The following NOTCH1 variants were observed in gnomAD, a reference collection of about 807,000 sequenced individuals.
NOTCH1 encodes the protein neurogenic locus notch homolog protein 1.
Under a neutral mutation model 254.8 loss-of-function variants are expected in NOTCH1, and 37 were observed. The observed-to-expected ratio is 0.15, with a 90% CI of 0.11 to 0.19. The LOEUF (loss-of-function observed/expected upper bound fraction) is 0.19. NOTCH1 is among the 10% of genes least tolerant of loss of function. NOTCH1 has a pLI of 1.00. For missense variants in NOTCH1, 2,972 were observed against 3,708.6 expected (o/e 0.80, Z 5.16); for synonymous variants, 1,731 against 1,618.1 (o/e 1.07, Z -1.68).
intron 30 of NOTCH1, among the ~76,000 whole-genome samples, chr9:136,501,057 G>A (rs975250635): frequency 9.8e-5 from 15 of 152,288 alleles, no homozygotes; most frequent in Admixed American, 7.8e-4. Flanking sequence ...AACTCCTGGC[G>A]GGCAACTGCT....
rs1030052865 is a variant in NOTCH1, at chr9:136,509,053, G to A, written c.2988C>T (p.Gly996=). 3 of 1,558,848 alleles carry A rather than the reference G, an allele frequency of 1.9e-6. No individual in the cohort carries two copies. Among genetic ancestry groups the A allele is most frequent in the Non-Finnish European group, 2.6e-6 (3 of 1,152,298 alleles). The change falls in exon 19 of 34, where the codon GGC becomes GGT. Residue 996 remains glycine, a synonymous_variant. Transcript: ENST00000651671. ...ACGAGTTGATGCCGTCCACGCAGGT[G>A]CCACCGTTGAAGCAGGAGCTGCAAG... ...DCTESSCFNG[G]TCVDGINSFT... is the part of the protein sequence containing the mutation.
At chr9:136,528,849 C>T (rs1843515522) in intron 2 of NOTCH1, among the ~76,000 whole-genome samples, 1 of 152,114 alleles carries the variant, frequency 6.6e-6, no homozygotes, top group African/African-American at 2.4e-5. Flanking sequence ...GGTCTTCTCC[C>T]CAGACACCCC....
At chr9:136,507,138 G>A (rs755105249) in intron 22 of NOTCH1, among the ~76,000 whole-genome samples, 165 bp from the exon 23 acceptor site, 10 of 152,236 alleles carry the variant, frequency 6.6e-5, no homozygotes, top group African/African-American at 1.4e-4. Flanking sequence ...TGGGACCCCC[G>A]CTCTGGGCCC....
intron 2 of NOTCH1, among the ~76,000 whole-genome samples, chr9:136,532,614 C>T (rs11145770): frequency 0.5 from 75,585 of 152,102 alleles, 20,354 homozygotes; most frequent in East Asian, 0.83. Flanking sequence ...GCCATGACTC[C>T]GTAGCCAACT....
In NOTCH1 at chr9:136,540,868, C is replaced by G. The variant is rs763235806; in HGVS notation, c.140+3156G>C. ...CAGCCAACATCTTAGCTGCCCCCTG[C>G]CTCAACGCCCAGCCCAGACGCAGGC... On this transcript the variant is annotated intron_variant, in intron 2 of 33. Transcript: ENST00000651671. The surrounding 1 kb of genome is among the most constrained non-coding windows in gnomAD (Gnocchi z 4.4). Among the ~76,000 whole-genome samples the G allele has an allele frequency of 6.6e-6, 1 of 152,140 alleles. No individual in the cohort carries two copies. The highest frequency in any genetic ancestry group is 1.9e-4 in the East Asian group (1 of 5,194).
In NOTCH1 at chr9:136,497,129, C is replaced by T; in HGVS notation, c.6610G>A (p.Glu2204Lys). ...TCTGACAGGTAGCCATGGGGTGACT[C>T]CAGGGAGTCCACGGGCGAGAGCATG... ...SGMLSPVDSLESPHGYLSDVA... is the reference protein window; with the variant it reads ...SGMLSPVDSLKSPHGYLSDVA... The change falls in exon 34 of 34, where the codon GAG (glutamate) becomes AAG (lysine). Residue 2204 changes from glutamate (E) to lysine (K), a missense_variant. Glu to Lys is a moderately conservative substitution (Grantham distance 56). Coordinates refer to ENST00000651671, the MANE Select transcript of NOTCH1 (RefSeq NM_017617.5). 6.2e-7 allele frequency: 1 copy of T among 1,612,552 alleles called. No homozygotes were observed. The highest frequency in any genetic ancestry group is 8.5e-7 in the Non-Finnish European group (1 of 1,179,882).
chr9:136,514,864 T>A (rs1049348797), intron 12 of NOTCH1, among the ~76,000 whole-genome samples, 162 bp from the exon 13 acceptor site: 2 of 152,092 alleles, frequency 1.3e-5, no homozygotes, highest in East Asian at 3.9e-4. Flanking sequence ...TGTGCCAGCC[T>A]CCCCGGGCAC....
In NOTCH1 at chr9:136,509,799, G is replaced by A. The variant is rs781201059; in HGVS notation, c.2903C>T (p.Thr968Met). 33 of 1,613,026 alleles carry A rather than the reference G, an allele frequency of 2.0e-5. No individual in the cohort carries two copies. Among genetic ancestry groups the A allele is most frequent in the Non-Finnish European group, 2.5e-5 (29 of 1,180,028 alleles). ...GCTGAAGCCTGCGGGGCAGGTGCAC[G>A]TGTAGCTGTCCACGCAGTCCGTGCA... Reference protein sequence around the residue: ...ANCTDCVDSYTCTCPAGFSGI... With the variant: ...ANCTDCVDSYMCTCPAGFSGI... The change falls in exon 18 of 34, where the codon ACG (threonine) becomes ATG (methionine). Residue 968 changes from threonine (T) to methionine (M), a missense_variant. Thr to Met is a moderately conservative substitution (Grantham distance 81). Around this residue, in one of 8 missense-constraint regions of NOTCH1, gnomAD observed 1,343 missense variants for 1,557.0 expected, o/e 0.86. Transcript: ENST00000651671.
At position 136,495,926 on chromosome 9, in the gene NOTCH1, T is replaced by TA; in HGVS notation, c.*144dup. The TA allele has an allele frequency of 2.1e-5, 18 of 867,008 alleles. No individual in the cohort carries two copies. The highest frequency in any genetic ancestry group is 2.9e-5 in the Non-Finnish European group (17 of 586,734). The allele number at this position is 867,008 out of a possible 1,614,324, so 53.7% of individuals were successfully genotyped here. On this transcript the variant is annotated 3_prime_UTR_variant, in exon 34 of 34. Coordinates refer to ENST00000651671, the MANE Select transcript of NOTCH1 (RefSeq NM_017617.5). ...AAAATAAAAGTACATAAATAAATAC[T>TA]AAAAAAAATTAAAATCCTCGTTCTT...
chr9:136,496,922 G>A lies in NOTCH1; in HGVS notation c.6817C>T (p.Leu2273Phe). The A allele has an allele frequency of 6.2e-7, 1 of 1,612,394 alleles. No homozygotes were observed. The highest frequency in any genetic ancestry group is 8.5e-7 in the Non-Finnish European group (1 of 1,179,844). ...CCAGAGGCCACAGGCAGGTGGGAGA[G>A]ACGAGGTGGGCCAGTCTCAAAGGCC... ...RLAFETGPPR[L>F]SHLPVASGTS... Residue 2273 changes from leucine (L) to phenylalanine (F), a missense_variant, in exon 34 of 34, where the codon CTC (leucine) becomes TTC (phenylalanine). Transcript: ENST00000651671.
Position 136,502,461 on chromosome 9 carries a change from G to A in NOTCH1, c.5195C>T (p.Ala1732Val), listed in dbSNP as rs768040014. ...CGCCACGTACATGAAGTGCAGCTGCGCCGGCGGGGGCGGCTCCACGGTCTC... is the reference window on the plus strand; with the variant it reads ...CGCCACGTACATGAAGTGCAGCTGCACCGGCGGGGGCGGCTCCACGGTCTC... ...QSETVEPPPP[A>V]QLHFMYVAAA... Residue 1732 changes from alanine to valine, a missense_variant, in exon 28 of 34, where the codon GCG (alanine) becomes GTG (valine). By Grantham distance (64) the Ala-to-Val change is moderately conservative (BLOSUM62 0). Around this residue, in one of 8 missense-constraint regions of NOTCH1, gnomAD observed 421 missense variants for 604.4 expected, o/e 0.70. Transcript: ENST00000651671. 2.3e-5 allele frequency: 36 copies of A among 1,587,140 alleles called. No homozygotes were observed. The South Asian group carries it at 3.6e-4, about 16-fold the overall frequency.
At chr9:136,538,868 C>T (rs947882066) in intron 2 of NOTCH1, among the ~76,000 whole-genome samples, 9 of 152,226 alleles carry the variant, frequency 5.9e-5, no homozygotes, top group Admixed American at 4.6e-4. Flanking sequence ...AAGCTAGACG[C>T]CCAATCGATT....
chr9:136,531,439 C>T (rs1441961437), intron 2 of NOTCH1, among the ~76,000 whole-genome samples: 1 of 152,188 alleles, frequency 6.6e-6, no homozygotes, highest in Non-Finnish European at 1.5e-5. Context: ...AGGCGCGTGT[C>T]CCCCGCACCC....
At chr9:136,502,561 G>A (rs1843015959) in intron 27 of NOTCH1, 73 bp from the exon 28 acceptor site, 1 of 1,001,536 alleles carries the variant, frequency 1.0e-6, no homozygotes, top group Non-Finnish European at 1.4e-6. Context: ...GTGGCCGGGG[G>A]GCGGCGGACT....
Position 136,510,735 on chromosome 9 carries a change from G to A in NOTCH1, c.2658C>T (p.Asn886=), listed in dbSNP as rs1237694934. 1 of 1,610,812 alleles carries A rather than the reference G, an allele frequency of 6.2e-7. No homozygotes were observed. Among genetic ancestry groups the A allele is most frequent in the South Asian group, 1.1e-5 (1 of 91,078 alleles). ...SPCRHGASCQ[N]THGGYRCHCQ... is the part of the protein sequence containing the mutation. ...AGTGGCAGCGGTAGCCGCCGTGGGT[G>A]TTCTGGCAGGATGCGCCGTGCCGGC... Residue 886 remains asparagine, a synonymous_variant, in exon 17 of 34, where the codon AAC becomes AAT. Transcript: ENST00000651671.
Position 136,542,502 on chromosome 9 carries a change from G to A in NOTCH1, c.140+1522C>T, listed in dbSNP as rs11145773. ...GGAAACAAGATTTAGGGCATCAAGC[G>A]TCCGTGCGGCTTCTGCAGAGGGAGA... On this transcript the variant is annotated intron_variant, in intron 2 of 33. Transcript: ENST00000651671. 6.1e-4 allele frequency among the ~76,000 whole-genome samples: 90 copies of A among 147,014 alleles called. 1 individual carries two copies. In the East Asian group the frequency reaches 0.016, roughly 26 times the overall value.
In NOTCH1 at chr9:136,508,233, T is replaced by C. The variant is rs1177234316; in HGVS notation, c.3324A>G (p.Gln1108=). 15 of 1,611,368 alleles carry C rather than the reference T, an allele frequency of 9.3e-6. No individual in the cohort carries two copies. The highest frequency in any genetic ancestry group is 1.3e-5 in the Non-Finnish European group (15 of 1,179,294). ...SVSCEVAAQR[Q]GVDVARLCQH... ...AGCTGGGTGGGCACAGCAGGTTACCTTGTCGCTGCGCAGCCACCTCACAGG... is the reference window on the plus strand; with the variant it reads ...AGCTGGGTGGGCACAGCAGGTTACCCTGTCGCTGCGCAGCCACCTCACAGG... The change falls in exon 20 of 34, where the codon CAA becomes CAG. Residue 1108 remains glutamine (Q), a splice_region_variant and synonymous_variant. Transcript: ENST00000651671.
In NOTCH1 at chr9:136,513,684, C is replaced by A; in HGVS notation, c.2208-147G>T. The A allele has an allele frequency of 1.2e-6, 1 of 858,208 alleles. No homozygotes were observed. Among genetic ancestry groups the A allele is most frequent in the Middle Eastern group, 3.3e-4 (1 of 3,036 alleles). 53.2% of individuals were successfully genotyped at this position (858,208 alleles called of 1,614,324 possible). On this transcript the variant is annotated intron_variant, in intron 13 of 33. Coordinates refer to ENST00000651671, the MANE Select transcript of NOTCH1 (RefSeq NM_017617.5). The surrounding 1 kb of genome is among the most constrained non-coding windows in gnomAD (Gnocchi z 4.7). ...AGTCCTTTAGTGGGGGCAGGCTGGG[C>A]GCTGTGGCTCACACCTGTAATCCCA... is the stretch of plus-strand genomic sequence containing the variant.
intron 30 of NOTCH1, among the ~76,000 whole-genome samples, chr9:136,501,135 T>G (rs1842988738): frequency 6.6e-6 from 1 of 152,072 alleles, no homozygotes; most frequent in Non-Finnish European, 1.5e-5. Flanking sequence ...AAGCATGCAG[T>G]TAGAAAATTA....
Sources: allele counts gnomAD v4.1 joint callset (sites outside exome capture counted in the v4.1 genomes callset), GRCh38; gene constraint gnomAD v4.1.1; regional missense constraint gnomAD v4.1.1; non-coding constraint Gnocchi (gnomAD v3.1); transcripts MANE v1.5; gene names NCBI Gene and HGNC (gene_info 2026-07-23, HGNC 2026-07-21).